The following TBC1D12 variants were observed in gnomAD, a reference collection of about 807,000 sequenced individuals.
TBC1D12 encodes the protein TBC1 domain family, member 12.
TBC1D12 carries 56 observed loss-of-function variants against 86.7 expected under a neutral mutation model. That is an observed-to-expected ratio of 0.65 (90% CI 0.52 to 0.81). The LOEUF is 0.81. Among genes scored for constraint, TBC1D12 ranks in the 30% least tolerant of loss-of-function variants. The pLI, the probability that TBC1D12 is intolerant of heterozygous loss-of-function variation, is 0.00. For missense variants in TBC1D12, 1,023 were observed against 1,038.8 expected, an observed-to-expected ratio of 0.98 and a Z score of 0.21; for synonymous variants, 421 against 411.7, an observed-to-expected ratio of 1.02 and a Z score of -0.27.
chr10:94,409,601 C>G (rs2054904147), intron 1 of TBC1D12, among the ~76,000 whole-genome samples: 1 of 151,950 alleles, frequency 6.6e-6, no homozygotes, highest in East Asian at 1.9e-4. Flanking sequence ...GTCTCAAACT[C>G]CTGGGCTCAA....
chr10:94,420,921 T>C lies in TBC1D12; in HGVS notation c.971+17337T>C, dbSNP rs144320032. Among the ~76,000 whole-genome samples the C allele has an allele frequency of 6.2e-3, 942 of 152,350 alleles. 5 individuals are homozygous for C. The highest frequency in any genetic ancestry group is 9.4e-3 in the Non-Finnish European group (639 of 68,040). On this transcript the variant is annotated intron_variant, in intron 1 of 12. Transcript: ENST00000225235. Reference sequence around the variant, plus strand: ...GGGCACAATGTGAAGTTTTGATACATGTATGCATTGTGGAATAATCAAATC... The same window carrying C: ...GGGCACAATGTGAAGTTTTGATACACGTATGCATTGTGGAATAATCAAATC...
chr10:94,414,180 A>G (rs1453946902), intron 1 of TBC1D12, among the ~76,000 whole-genome samples: 1 of 152,216 alleles, frequency 6.6e-6, no homozygotes, highest in Non-Finnish European at 1.5e-5. Flanking sequence ...TTAAGGTGGT[A>G]AGAAGATGAT....
At chr10:94,441,569 A>G (rs145968544) in intron 1 of TBC1D12, among the ~76,000 whole-genome samples, 1,815 of 152,236 alleles carry the variant, frequency 0.012, 14 homozygotes, top group Non-Finnish European at 0.02. Flanking sequence ...ATACCTCTAT[A>G]TAAGCCAGAT....
At chr10:94,425,331 A>C (rs2134067743) in intron 1 of TBC1D12, among the ~76,000 whole-genome samples, 1 of 152,334 alleles carries the variant, frequency 6.6e-6, no homozygotes, top group East Asian at 1.9e-4. Context: ...TTGTGATAGT[A>C]GTTACACAAA....
intron 2 of TBC1D12, among the ~76,000 whole-genome samples, chr10:94,447,996 G>C (rs2055495460): frequency 6.6e-6 from 1 of 151,550 alleles, no homozygotes; most frequent in South Asian, 2.1e-4. Context: ...AAACGAAATT[G>C]TAGTGCTTAG....
At chr10:94,477,946 C>T (rs1388634670) in intron 3 of TBC1D12, among the ~76,000 whole-genome samples, 4 of 152,102 alleles carry the variant, frequency 2.6e-5, no homozygotes, top group African/African-American at 9.7e-5. Flanking sequence ...ACTAGATCTC[C>T]TAAACTGTGC....
intron 3 of TBC1D12, among the ~76,000 whole-genome samples, chr10:94,491,384 A>C (rs1175297999): frequency 6.6e-6 from 1 of 152,170 alleles, no homozygotes; most frequent in Non-Finnish European, 1.5e-5. Flanking sequence ...GACTCCTAAA[A>C]CTGGACACTA....
chr10:94,522,970 G>C (rs1286066219), intron 11 of TBC1D12, among the ~76,000 whole-genome samples: 1 of 150,678 alleles, frequency 6.6e-6, no homozygotes, highest in Non-Finnish European at 1.5e-5. Context: ...CTTGAACCCA[G>C]GAGGCGGGAG....
intron 2 of TBC1D12, among the ~76,000 whole-genome samples, chr10:94,466,320 T>C (rs1351094299): frequency 6.6e-6 from 1 of 152,064 alleles, no homozygotes; most frequent in Non-Finnish European, 1.5e-5. Flanking sequence ...TTTATTATTT[T>C]TGGTGTATTT....
intron 3 of TBC1D12, among the ~76,000 whole-genome samples, chr10:94,488,302 C>T (rs369218201): frequency 1.3e-5 from 2 of 150,046 alleles, no homozygotes; most frequent in Middle Eastern, 3.4e-3. Flanking sequence ...GCAGGAGAAT[C>T]GCTTCAACAT....
chr10:94,493,593 C>A, intron 4 of TBC1D12, 146 bp downstream of exon 4: 1 of 686,846 alleles, frequency 1.5e-6, no homozygotes, highest in Non-Finnish European at 2.4e-6. Flanking sequence ...GCTCTGTTGC[C>A]CAGCCTGGTA....
chr10:94,430,492 A>C (rs2055200747), intron 1 of TBC1D12, among the ~76,000 whole-genome samples: 1 of 152,240 alleles, frequency 6.6e-6, no homozygotes, highest in Non-Finnish European at 1.5e-5. Flanking sequence ...GCATTAGTGG[A>C]GAATTTGCAT....
chr10:94,521,237 AC>A (rs371201924), intron 9 of TBC1D12, among the ~76,000 whole-genome samples: 25 of 136,296 alleles, frequency 1.8e-4, no homozygotes, highest in African/African-American at 6.7e-4. Context: ...AAAAAAAAAA[AC>A]AAAAAAAAAA....
rs576811194 is a variant in TBC1D12 at position 94,405,822 on chromosome 10, T to C, written c.971+2238T>C. ...TTGCAATTTCTGAACATTTTTTTTT[T>C]TTTTTGAGATGGAGTTTCCCTCTTT... On this transcript the variant is annotated intron_variant, in intron 1 of 12. Transcript: ENST00000225235. 2.1e-3 allele frequency among the ~76,000 whole-genome samples: 323 copies of C among 152,182 alleles called. 6 individuals are homozygous for C. Among genetic ancestry groups the C allele is most frequent in the Middle Eastern group, 6.8e-3 (2 of 294 alleles).
At chr10:94,492,940 C>T (rs1398442205) in intron 3 of TBC1D12, among the ~76,000 whole-genome samples, 1 of 152,064 alleles carries the variant, frequency 6.6e-6, no homozygotes, top group Non-Finnish European at 1.5e-5. Context: ...GTGAGTTTAA[C>T]AAATAACCTA....
At chr10:94,507,564 T>C (rs1209737642) in intron 7 of TBC1D12, among the ~76,000 whole-genome samples, 4 of 152,184 alleles carry the variant, frequency 2.6e-5, no homozygotes, top group Admixed American at 6.5e-5. Flanking sequence ...GAACTAAAAG[T>C]ATGTAAAAGG....
chr10:94,484,965 A>C (rs2056137975), intron 3 of TBC1D12, among the ~76,000 whole-genome samples: 3 of 152,180 alleles, frequency 2.0e-5, no homozygotes, highest in Non-Finnish European at 2.9e-5. Flanking sequence ...CTGCAACTTT[A>C]CTGAATTTGT....
chr10:94,493,498 T>C (rs1330402906), intron 4 of TBC1D12, 51 bp downstream of exon 4: 2 of 1,264,012 alleles, frequency 1.6e-6, no homozygotes, highest in African/African-American at 3.0e-5. Context: ...AATAAGAAGA[T>C]GGATGGTAAA....
intron 1 of TBC1D12, among the ~76,000 whole-genome samples, chr10:94,433,768 T>C (rs2055252886): frequency 6.6e-6 from 1 of 152,238 alleles, no homozygotes; most frequent in African/African-American, 2.4e-5. Flanking sequence ...TTTGAAGCTA[T>C]GCTTCACTAA....
Sources: gnomAD v4.1 joint callset for allele counts (sites outside exome capture counted in the v4.1 genomes callset) on GRCh38, gnomAD v4.1.1 for gene constraint, MANE v1.5 for transcripts, NCBI Gene and HGNC (gene_info 2026-07-23, HGNC 2026-07-21) for gene names.